The following ATXN1 variants were observed in gnomAD, a reference collection of about 807,000 sequenced individuals.
ATXN1 encodes the protein ataxin-1.
In ATXN1, 8 loss-of-function variants were observed where a neutral mutation model predicts 56.4. That is an observed-to-expected ratio of 0.14 (90% CI 0.08 to 0.26). ATXN1 has a LOEUF of 0.26. Ranked by LOEUF, ATXN1 falls within the 10% of genes least tolerant of loss-of-function variation. The pLI is 1.00. For missense variants in ATXN1, 987 were observed against 1,106.5 expected (o/e 0.89, Z 1.53); for synonymous variants, 514 against 494.6 (o/e 1.04, Z -0.52).
intron 6 of ATXN1, among the ~76,000 whole-genome samples, chr6:16,467,361 CTA>C (rs1760128762): frequency 1.3e-5 from 2 of 152,222 alleles, no homozygotes; most frequent in African/African-American, 4.8e-5. Context: ...CGTGGTTATT[CTA>C]TCACGGAGAT....
At chr6:16,329,510 G>A (rs2237223) in intron 6 of ATXN1, among the ~76,000 whole-genome samples, 17,980 of 152,046 alleles carry the variant, frequency 0.12, 1,695 homozygotes, top group East Asian at 0.4. Context: ...ATATGATGAC[G>A]GAGTGAGACT....
chr6:16,689,654 A>G (rs1213498461), intron 2 of ATXN1, among the ~76,000 whole-genome samples: 2 of 150,892 alleles, frequency 1.3e-5, no homozygotes, highest in African/African-American at 4.9e-5. Context: ...GCATGTAGTT[A>G]TGGGTTATAA....
rs373492693 is a variant in ATXN1 at position 16,407,353 on chromosome 6, C to T, written c.-161+78619G>A. 2.6e-5 allele frequency among the ~76,000 whole-genome samples: 4 copies of T among 152,210 alleles called. No individual in the cohort carries two copies. The East Asian group carries it at 7.7e-4, about 29-fold the overall frequency. ...GTCGGAATGAATGGGAAGGATACTG[C>T]TGTGTCCACCAGTGCCTAACTGGAC... On this transcript the variant is annotated intron_variant, in intron 6 of 7. Coordinates refer to ENST00000436367, the MANE Select transcript of ATXN1 (RefSeq NM_001128164.2).
intron 6 of ATXN1, among the ~76,000 whole-genome samples, chr6:16,376,650 CA>C (rs1467886928): frequency 1.3e-5 from 2 of 152,216 alleles, no homozygotes; most frequent in Non-Finnish European, 1.5e-5. Flanking sequence ...TTAAAATCTA[CA>C]GCTTTTCAAG....
chr6:16,605,482 G>C (rs1401882004), intron 3 of ATXN1, among the ~76,000 whole-genome samples: 1 of 152,166 alleles, frequency 6.6e-6, no homozygotes, highest in African/African-American at 2.4e-5. Flanking sequence ...TCTGCACTTA[G>C]ACAATGCTGC....
intron 3 of ATXN1, among the ~76,000 whole-genome samples, chr6:16,617,501 A>C (rs372845226): frequency 1.1e-3 from 170 of 152,266 alleles, no homozygotes; most frequent in African/African-American, 4.0e-3. Flanking sequence ...TAGAAAAAAA[A>C]CAAATATCAA....
intron 6 of ATXN1, among the ~76,000 whole-genome samples, chr6:16,397,729 C>T (rs764004685): frequency 3.9e-5 from 6 of 152,164 alleles, no homozygotes; most frequent in Non-Finnish European, 5.9e-5. Context: ...TAATCTATTG[C>T]TGATTTACTC....
chr6:16,578,036 C>A (rs1018704841), intron 4 of ATXN1, among the ~76,000 whole-genome samples: 2 of 152,162 alleles, frequency 1.3e-5, no homozygotes, highest in Non-Finnish European at 2.9e-5. Context: ...TTTTCTCCCA[C>A]TACATTAATT....
intron 6 of ATXN1, among the ~76,000 whole-genome samples, chr6:16,441,197 T>A (rs2067690048): frequency 6.6e-6 from 1 of 152,082 alleles, no homozygotes; most frequent in South Asian, 2.1e-4. Context: ...CACGACCAAA[T>A]CACCTTGAGA....
chr6:16,713,478 C>T (rs1759569459), intron 2 of ATXN1, among the ~76,000 whole-genome samples: 1 of 152,158 alleles, frequency 6.6e-6, no homozygotes, highest in South Asian at 2.1e-4. Flanking sequence ...GAAAACTGCT[C>T]AATCCAAGAG....
rs1280716326 is a variant in ATXN1 at position 16,506,073 on chromosome 6, G to A, written c.-299+16554C>T. ...GCTGAGAGCATCATGGTTTTGGCAG[G>A]GAACTCAGAAAATCTTGGCATCAGG... On this transcript the variant is annotated intron_variant, in intron 5 of 7. Transcript: ENST00000436367. This position sits in a 1 kb window ranked among gnomAD's most constrained non-coding sequence, Gnocchi z 4.1. Among the ~76,000 whole-genome samples the A allele has an allele frequency of 6.6e-6, 1 of 152,116 alleles. No homozygotes were observed. Among genetic ancestry groups the A allele is most frequent in the Admixed American group, 6.6e-5 (1 of 15,256 alleles).
intron 6 of ATXN1, among the ~76,000 whole-genome samples, chr6:16,481,567 G>A (rs1760439283): frequency 6.6e-6 from 1 of 152,120 alleles, no homozygotes; most frequent in Non-Finnish European, 1.5e-5. Context: ...ATTCTGAAAA[G>A]GGAGTCCATA....
At chr6:16,422,476 AAG>A (rs1381022222) in intron 6 of ATXN1, among the ~76,000 whole-genome samples, 2 of 152,176 alleles carry the variant, frequency 1.3e-5, no homozygotes, top group East Asian at 3.8e-4. Context: ...TTGACTTGAA[AAG>A]TTCACCCTTT....
chr6:16,611,899 G>A (rs1310956722), intron 3 of ATXN1, among the ~76,000 whole-genome samples: 1 of 102,500 alleles, frequency 9.8e-6, no homozygotes, highest in Non-Finnish European at 1.8e-5. Context: ...TCACTCTGTT[G>A]CCCATTCTGG....
chr6:16,606,124 G>A (rs903553845), intron 3 of ATXN1, among the ~76,000 whole-genome samples: 2 of 152,002 alleles, frequency 1.3e-5, no homozygotes, highest in Admixed American at 6.6e-5. Context: ...GTGTCACTCT[G>A]GAGACAGAGC....
chr6:16,579,622 C>T lies in ATXN1; in HGVS notation c.-361+6158G>A, dbSNP rs964490169. On this transcript the variant is annotated intron_variant, in intron 4 of 7. Coordinates refer to ENST00000436367, the MANE Select transcript of ATXN1 (RefSeq NM_001128164.2). The stretch of plus-strand genomic sequence containing the variant: ...GCACAGACCCAGCTTCTAAAGCACA[C>T]GGCATCAGCACTGAATTCTTGTTTT... 5.9e-5 allele frequency among the ~76,000 whole-genome samples: 9 copies of T among 151,976 alleles called. No homozygotes were observed. The East Asian group carries it at 7.7e-4, about 13-fold the overall frequency.
chr6:16,485,395 A>G (rs1477921559), intron 6 of ATXN1: 2 of 152,174 alleles, frequency 1.3e-5, no homozygotes, highest in African/African-American at 4.8e-5. Flanking sequence ...ACTAATCTCA[A>G]AATCCCAAGC....
intron 6 of ATXN1, among the ~76,000 whole-genome samples, chr6:16,349,191 A>G (rs949071971): frequency 2.0e-5 from 3 of 152,014 alleles, no homozygotes; most frequent in Admixed American, 2.0e-4. Flanking sequence ...CTGTGGTCCT[A>G]TTTTCATCTG....
chr6:16,338,845 T>G (rs1404670273), intron 6 of ATXN1, among the ~76,000 whole-genome samples: 1 of 152,102 alleles, frequency 6.6e-6, no homozygotes, highest in Non-Finnish European at 1.5e-5. Flanking sequence ...TGAGAGTTCA[T>G]TTTTTTCTTC....
Sources: gnomAD v4.1 joint callset for allele counts (sites outside exome capture counted in the v4.1 genomes callset) on GRCh38, gnomAD v4.1.1 for gene constraint, Gnocchi (gnomAD v3.1) non-coding constraint, MANE v1.5 for transcripts, NCBI Gene and HGNC (gene_info 2026-07-23, HGNC 2026-07-21) for gene names.